The following MRAP2 variants were observed in gnomAD, a reference collection of about 807,000 sequenced individuals.
The protein encoded by MRAP2 is melanocortin-2 receptor accessory protein 2.
In MRAP2, 20 loss-of-function variants were observed where a neutral mutation model predicts 17.4. That is an observed-to-expected ratio of 1.15 (90% CI 0.81 to 1.67). The LOEUF is 1.67. MRAP2 is among the 40% of genes most tolerant of loss of function. The pLI is 0.00. For missense variants in MRAP2, 238 were observed against 240.0 expected (o/e 0.99, Z 0.05); for synonymous variants, 96 against 88.4 (o/e 1.09, Z -0.48).
intron 1 of MRAP2, chr6:84,045,140 T>A (rs147932012): frequency 1.2e-6 from 1 of 836,250 alleles, no homozygotes. Context: ...TGAGAATCTC[T>A]GGATTTTGGT....
chr6:84,116,464 T>C, the MRAP2 span, among the ~76,000 whole-genome samples: 1 of 152,200 alleles, frequency 6.6e-6, no homozygotes, highest in African/African-American at 2.4e-5. Flanking sequence ...CCCAGCCACA[T>C]AGAATTGTGA....
the MRAP2 span, among the ~76,000 whole-genome samples, chr6:84,130,865 C>T: frequency 1.3e-5 from 2 of 152,086 alleles, no homozygotes; most frequent in South Asian, 4.1e-4. Flanking sequence ...TTTAGCTCTG[C>T]TCTGATCTTA....
At chr6:84,129,411 G>T in the MRAP2 span, among the ~76,000 whole-genome samples, 4 of 152,128 alleles carry the variant, frequency 2.6e-5, no homozygotes, top group African/African-American at 9.7e-5. Context: ...TCTCATTGTG[G>T]TTTTGATTTG....
the MRAP2 span, among the ~76,000 whole-genome samples, chr6:84,115,820 T>G: frequency 3.3e-5 from 5 of 152,132 alleles, no homozygotes; most frequent in African/African-American, 7.2e-5. Flanking sequence ...TGGCTTCCCT[T>G]GGGTAGGGGA....
At chr6:84,059,052 G>A (rs544477137) in intron 2 of MRAP2, among the ~76,000 whole-genome samples, 43 of 152,190 alleles carry the variant, frequency 2.8e-4, no homozygotes, top group Admixed American at 6.5e-4. Flanking sequence ...TTTATGAAGA[G>A]TGTGGCTGGG....
chr6:84,127,158 CAATT>C, the MRAP2 span, among the ~76,000 whole-genome samples: 3 of 152,040 alleles, frequency 2.0e-5, no homozygotes, highest in Admixed American at 1.3e-4. Flanking sequence ...CTTGGGAAAA[CAATT>C]AATTGTATCT....
chr6:84,075,452 G>A (rs2099497346), intron 3 of MRAP2, among the ~76,000 whole-genome samples: 1 of 152,122 alleles, frequency 6.6e-6, no homozygotes. Flanking sequence ...GCTTTTGTAT[G>A]GTGGGGCAGG....
At chr6:84,051,582 G>T (rs2099490432) in intron 1 of MRAP2, among the ~76,000 whole-genome samples, 1 of 152,146 alleles carries the variant, frequency 6.6e-6, no homozygotes, top group South Asian at 2.1e-4. Flanking sequence ...AAGAGGCCAG[G>T]TGTGGTGGCT....
At chr6:84,130,630 C>G in the MRAP2 span, among the ~76,000 whole-genome samples, 1 of 152,150 alleles carries the variant, frequency 6.6e-6, no homozygotes, top group African/African-American at 2.4e-5. Flanking sequence ...TCTAGATTTT[C>G]TAGTTTATTT....
intron 1 of MRAP2, among the ~76,000 whole-genome samples, chr6:84,040,366 C>T (rs2099487208): frequency 6.6e-6 from 1 of 152,166 alleles, no homozygotes; most frequent in Non-Finnish European, 1.5e-5. Context: ...TGAGAATGGA[C>T]TAACACCATA....
chr6:84,126,377 C>A, the MRAP2 span: 4 of 1,580,152 alleles, frequency 2.5e-6, no homozygotes, highest in Non-Finnish European at 2.6e-6. Context: ...ATTTACTTTA[C>A]CTGTTGAAGT....
At chr6:84,126,547 A>G in the MRAP2 span, 2 of 1,400,384 alleles carry the variant, frequency 1.4e-6, no homozygotes, top group East Asian at 2.6e-5. Context: ...GAAAAACTAT[A>G]ATCACAAGAA....
In MRAP2 at chr6:84,065,457, T is replaced by C. The variant is rs1024379115; in HGVS notation, c.227+2465T>C. Among the ~76,000 whole-genome samples the C allele has an allele frequency of 2.0e-5, 3 of 152,174 alleles. 1 individual carries two copies. The highest frequency in any genetic ancestry group is 2.0e-4 in the Admixed American group (3 of 15,276). On this transcript the variant is annotated intron_variant, in intron 3 of 3. Coordinates refer to ENST00000257776, the MANE Select transcript of MRAP2 (RefSeq NM_138409.4). ...AATATTCGCACATGCTTCACTTCTATTATATTGGCCCAGCGAATTTGAAAA... is the reference window on the plus strand; with the variant it reads ...AATATTCGCACATGCTTCACTTCTACTATATTGGCCCAGCGAATTTGAAAA...
chr6:84,112,728 G>T, the MRAP2 span, among the ~76,000 whole-genome samples: 1 of 152,056 alleles, frequency 6.6e-6, no homozygotes, highest in African/African-American at 2.4e-5. Context: ...GCTTTCTCTT[G>T]TGGGCATTTA....
chr6:84,081,874 CT>C (rs1385506016), intron 3 of MRAP2, among the ~76,000 whole-genome samples: 2 of 152,204 alleles, frequency 1.3e-5, no homozygotes, highest in African/African-American at 4.8e-5. Context: ...TGGGTTCCCC[CT>C]GTCTTGCTGC....
At chr6:84,111,907 T>G in the MRAP2 span, among the ~76,000 whole-genome samples, 1 of 152,238 alleles carries the variant, frequency 6.6e-6, no homozygotes, top group Non-Finnish European at 1.5e-5. Flanking sequence ...GGATTACATT[T>G]ATTGATTTGC....
At chr6:84,136,105 C>G in the MRAP2 span, among the ~76,000 whole-genome samples, 1 of 152,266 alleles carries the variant, frequency 6.6e-6, no homozygotes, top group Non-Finnish European at 1.5e-5. Flanking sequence ...TGATATTGTT[C>G]AGGTGTTCAT....
the MRAP2 span, among the ~76,000 whole-genome samples, chr6:84,107,875 TAG>T: frequency 6.6e-6 from 1 of 152,232 alleles, no homozygotes; most frequent in Non-Finnish European, 1.5e-5. Flanking sequence ...GTAGCTGAAT[TAG>T]AGTCACTACT....
the MRAP2 span, chr6:84,125,085 AT>A: frequency 6.2e-7 from 1 of 1,612,132 alleles, no homozygotes; most frequent in Non-Finnish European, 8.5e-7. Context: ...ACTCTGGTGC[AT>A]TCATTTCATC....
Sources: gnomAD v4.1 joint callset for allele counts (sites outside exome capture counted in the v4.1 genomes callset) on GRCh38, gnomAD v4.1.1 for gene constraint, MANE v1.5 for transcripts, NCBI Gene and HGNC (gene_info 2026-07-23, HGNC 2026-07-21) for gene names.